MYADM: variants seen among roughly 807,000 people sequenced by gnomAD.
The protein encoded by MYADM is myeloid associated differentiation marker, also known as myeloid-associated differentiation marker.
For synonymous variants in MYADM, 224 were observed against 210.2 expected (o/e 1.07, Z -0.57); for missense variants, 416 against 443.4 (o/e 0.94, Z 0.56).
At chr19:53,869,103 C>G (rs2068304120) in intron 1 of MYADM, 1 of 152,264 alleles carries the variant, frequency 6.6e-6, no homozygotes, top group East Asian at 1.9e-4. Context: ...CCGCAAGCCC[C>G]GAATGGCGAT....
At position 53,874,388 on chromosome 19, in the gene MYADM, G is replaced by A. The variant is rs1224679404; in HGVS notation, c.859G>A (p.Val287Met). The A allele has an allele frequency of 2.5e-6, 4 of 1,614,088 alleles. No homozygotes were observed. Among genetic ancestry groups the A allele is most frequent in the Non-Finnish European group, 3.4e-6 (4 of 1,180,034 alleles). Residue 287 changes from valine (V) to methionine (M), a missense_variant, in exon 3 of 3, where the codon GTG becomes ATG. Transcript: ENST00000391770. ...CTGCAGCCGCAGCCATGCCTACTAC[G>A]TGTGTGCCTGGGACCGCCGACTGGC... ...VSCSRSHAYY[V>M]CAWDRRLAVA...
In MYADM at chr19:53,876,022, T is replaced by G. The variant is rs844114; in HGVS notation, c.*1524T>G. On this transcript the variant is annotated 3_prime_UTR_variant, in exon 3 of 3. Transcript: ENST00000391770. ...AAGGCAAGATCGACCTTTTCTGTTT[T>G]GTTTTGTTTTTCTTTCTTTTTCCTG... 1.2e-5 allele frequency: 2 copies of G among 165,982 alleles called. No individual in the cohort carries two copies. Among genetic ancestry groups the G allele is most frequent in the Non-Finnish European group, 2.9e-5 (2 of 68,118 alleles). The allele number at this position is 165,982 out of a possible 1,614,324, so 10.3% of individuals were successfully genotyped here.
Position 53,875,743 on chromosome 19 carries a change from G to C in MYADM, c.*1245G>C, listed in dbSNP as rs537813494. The C allele has an allele frequency of 6.5e-6, 1 of 154,160 alleles. No homozygotes were observed. The highest frequency in any genetic ancestry group is 2.4e-5 in the African/African-American group (1 of 41,384). 9.5% of individuals were successfully genotyped at this position (154,160 alleles called of 1,614,324 possible). A position where few individuals can be genotyped will look rare whatever the true frequency, so the allele number is the denominator to read the frequency against. On this transcript the variant is annotated 3_prime_UTR_variant, in exon 3 of 3. Coordinates refer to ENST00000391770, the MANE Select transcript of MYADM (RefSeq NM_138373.5). ...GGGCGCCTGTAATCCCAGGTATTTG[G>C]GGGGACTGAGACAGGAGAATCCCTT...
In MYADM at chr19:53,873,008, G is replaced by C. The variant is rs1010767219; in HGVS notation, c.-2-520G>C. Among the ~76,000 whole-genome samples the C allele has an allele frequency of 6.6e-6, 1 of 152,188 alleles. No individual in the cohort carries two copies. The highest frequency in any genetic ancestry group is 1.5e-5 in the Non-Finnish European group (1 of 68,038). Reference sequence around the variant, plus strand: ...GGCCTAGACTCCTGGATTCTGATACGAGTAGGGGAGGAGTGAGCCTTGAAC... The same window carrying C: ...GGCCTAGACTCCTGGATTCTGATACCAGTAGGGGAGGAGTGAGCCTTGAAC... On this transcript the variant is annotated intron_variant, in intron 2 of 2. Transcript: ENST00000391770. The surrounding 1 kb of genome is among the most constrained non-coding windows in gnomAD (Gnocchi z 4.3).
At position 53,876,312 on chromosome 19, in the gene MYADM, T is replaced by A. The variant is rs537852293; in HGVS notation, c.*1814T>A. 26 of 164,990 alleles carry A rather than the reference T, an allele frequency of 1.6e-4. No individual in the cohort carries two copies. The highest frequency in any genetic ancestry group is 1.6e-4 in the Non-Finnish European group (11 of 67,784). The allele number at this position is 164,990 out of a possible 1,614,324, so 10.2% of individuals were successfully genotyped here. ...TATAAATATATATTTTATTTTTTTTTAAATCCCTGGAGCTTCTGGTTCCTA... is the reference window on the plus strand; with the variant it reads ...TATAAATATATATTTTATTTTTTTTAAAATCCCTGGAGCTTCTGGTTCCTA... On this transcript the variant is annotated 3_prime_UTR_variant, in exon 3 of 3. Transcript: ENST00000391770.
upstream of MYADM, chr19:53,865,905 C>T (rs113154423): frequency 6.6e-6 from 1 of 152,130 alleles, no homozygotes; most frequent in African/African-American, 2.4e-5. Context: ...CCAACTAACA[C>T]CATGTCCCGA....
At position 53,876,052 on chromosome 19, in the gene MYADM, T is replaced by C. The variant is rs1476440023; in HGVS notation, c.*1554T>C. 6.0e-6 allele frequency: 1 copy of C among 166,982 alleles called. No homozygotes were observed. The highest frequency in any genetic ancestry group is 1.5e-5 in the Non-Finnish European group (1 of 68,104). 10.3% of individuals were successfully genotyped at this position (166,982 alleles called of 1,614,324 possible). A position where few individuals can be genotyped will look rare whatever the true frequency, so the allele number is the denominator to read the frequency against. On this transcript the variant is annotated 3_prime_UTR_variant, in exon 3 of 3. Coordinates refer to ENST00000391770, the MANE Select transcript of MYADM (RefSeq NM_138373.5). Reference sequence around the variant, plus strand: ...TGTTTTTCTTTCTTTTTCCTGGCCATGAGGACAAAAATTACTGAGTGGCCC... The same window carrying C: ...TGTTTTTCTTTCTTTTTCCTGGCCACGAGGACAAAAATTACTGAGTGGCCC...
chr19:53,874,685 T>C lies in MYADM; in HGVS notation c.*187T>C. 1 of 527,088 alleles carries C rather than the reference T, an allele frequency of 1.9e-6. No individual in the cohort carries two copies. Among genetic ancestry groups the C allele is most frequent in the Non-Finnish European group, 3.2e-6 (1 of 308,540 alleles). 32.7% of individuals were successfully genotyped at this position (527,088 alleles called of 1,614,324 possible). ...CCAGTTCTTGGATGCATCTTCTTCC[T>C]TCCCTTTCCTCTTGCTGTTTCCTTC... On this transcript the variant is annotated 3_prime_UTR_variant, in exon 3 of 3. Transcript: ENST00000391770.
rs1025500608 is a variant in MYADM, at chr19:53,876,320, T to C, written c.*1822T>C. The C allele has an allele frequency of 6.6e-5, 11 of 166,228 alleles. No individual in the cohort carries two copies. The highest frequency in any genetic ancestry group is 2.6e-4 in the Admixed American group (4 of 15,206). The allele number at this position is 166,228 out of a possible 1,614,324, so 10.3% of individuals were successfully genotyped here. A position where few individuals can be genotyped will look rare whatever the true frequency, so the allele number is the denominator to read the frequency against. ...TATATTTTATTTTTTTTTAAATCCC[T>C]GGAGCTTCTGGTTCCTATCAGTTCC... On this transcript the variant is annotated 3_prime_UTR_variant, in exon 3 of 3. Coordinates refer to ENST00000391770, the MANE Select transcript of MYADM (RefSeq NM_138373.5).
chr19:53,867,510 C>T (rs1215860640), upstream of MYADM, among the ~76,000 whole-genome samples: 3 of 152,174 alleles, frequency 2.0e-5, no homozygotes, highest in African/African-American at 7.2e-5. Flanking sequence ...CTGCACTAAA[C>T]AAACCCTAAA....
At chr19:53,867,719 T>TGG (rs894890146), upstream of MYADM, among the ~76,000 whole-genome samples, 1 of 152,034 alleles carries the variant, frequency 6.6e-6, no homozygotes, top group African/African-American at 2.4e-5. Flanking sequence ...ACTTTTACTC[T>TGG]GGGGGGCGTG....
Position 53,873,915 on chromosome 19 carries a change from C to T in MYADM, c.386C>T (p.Ser129Phe). 1 of 1,612,584 alleles carries T rather than the reference C, an allele frequency of 6.2e-7. No homozygotes were observed. Among genetic ancestry groups the T allele is most frequent in the Non-Finnish European group, 8.5e-7 (1 of 1,180,034 alleles). Residue 129 changes from serine to phenylalanine, a missense_variant, in exon 3 of 3, where the codon TCC (serine) becomes TTC (phenylalanine). By Grantham distance (155) the Ser-to-Phe change is radical (BLOSUM62 -2). Transcript: ENST00000391770. This position sits in a 1 kb window ranked among gnomAD's most constrained non-coding sequence, Gnocchi z 4.3. ...IYPTTYVQFL[S>F]HGRSRDHAIA... Reference sequence around the variant, plus strand: ...CCCACCACCTATGTCCAGTTCCTGTCCCACGGCCGTTCGCGGGACCACGCC... The same window carrying T: ...CCCACCACCTATGTCCAGTTCCTGTTCCACGGCCGTTCGCGGGACCACGCC...
chr19:53,870,626 C>G (rs556236469), intron 2 of MYADM, among the ~76,000 whole-genome samples: 5 of 152,136 alleles, frequency 3.3e-5, no homozygotes, highest in African/African-American at 9.7e-5. Flanking sequence ...GCGACTGCCA[C>G]GAAGAGGTTA....
Position 53,875,836 on chromosome 19 carries a change from C to T in MYADM, c.*1338C>T, listed in dbSNP as rs1192909544. ...CTGTGCTCCAGCCTGGGGGACAGAGCGAGACTCCATCTCAAAAAAAAAAAG... is the reference window on the plus strand; with the variant it reads ...CTGTGCTCCAGCCTGGGGGACAGAGTGAGACTCCATCTCAAAAAAAAAAAG... On this transcript the variant is annotated 3_prime_UTR_variant, in exon 3 of 3. Coordinates refer to ENST00000391770, the MANE Select transcript of MYADM (RefSeq NM_138373.5). 4 of 163,482 alleles carry T rather than the reference C, an allele frequency of 2.4e-5. No homozygotes were observed. The highest frequency in any genetic ancestry group is 2.1e-4 in the South Asian group (1 of 4,800). The allele number at this position is 163,482 out of a possible 1,614,324, so 10.1% of individuals were successfully genotyped here. A position where few individuals can be genotyped will look rare whatever the true frequency, so the allele number is the denominator to read the frequency against.
At position 53,873,464 on chromosome 19, in the gene MYADM, G is replaced by A. The variant is rs1012405407; in HGVS notation, c.-2-64G>A. ...TAATTTGTCCCTGGGGTAGGCAATG[G>A]CTAAGGGACCTGGATTCTTATGTTT... On this transcript the variant is annotated intron_variant, in intron 2 of 2. Transcript: ENST00000391770. This position sits in a 1 kb window ranked among gnomAD's most constrained non-coding sequence, Gnocchi z 4.3. 9 of 1,513,548 alleles carry A rather than the reference G, an allele frequency of 5.9e-6. No homozygotes were observed. In the East Asian group the frequency reaches 9.1e-5, roughly 15 times the overall value. The allele number at this position is 1,513,548 out of a possible 1,614,324, so 93.8% of individuals were successfully genotyped here.
rs1453345066 is a variant in MYADM at position 53,871,233 on chromosome 19, AAAC to A, written c.-3+1402_-3+1404del. ...GTGACAGAGCGACTCCATGTAAAAAAAACAACAACCAAAAAACAGGATTGTGAG... is the reference window on the plus strand; with the variant it reads ...GTGACAGAGCGACTCCATGTAAAAAAAACAACCAAAAAACAGGATTGTGAG... On this transcript the variant is annotated intron_variant, in intron 2 of 2. Coordinates refer to ENST00000391770, the MANE Select transcript of MYADM (RefSeq NM_138373.5). Among the ~76,000 whole-genome samples the A allele has an allele frequency of 3.3e-5, 5 of 152,146 alleles. No homozygotes were observed. In the East Asian group the frequency reaches 9.6e-4, roughly 29 times the overall value.
At chr19:53,870,499 T>A (rs1476551845) in intron 2 of MYADM, among the ~76,000 whole-genome samples, 2 of 151,822 alleles carry the variant, frequency 1.3e-5, no homozygotes, top group East Asian at 3.9e-4. Context: ...GGCTCCTAGA[T>A]CCTGGGAGAA....
Position 53,874,493 on chromosome 19 carries a change from G to T in MYADM, c.964G>T (p.Val322Phe). 2 of 1,594,470 alleles carry T rather than the reference G, an allele frequency of 1.3e-6. No individual in the cohort carries two copies. Among genetic ancestry groups the T allele is most frequent in the Non-Finnish European group, 1.7e-6 (2 of 1,170,304 alleles). The stretch of plus-strand genomic sequence containing the variant: ...CTCTGCCCACCTGGTTTTTGTCAAG[G>T]TCTAAGACTCTCCCAAGAGGCTCCC... ...VHSAHLVFVK[V>F] Residue 322 changes from valine to phenylalanine, a missense_variant, in exon 3 of 3, where the codon GTC becomes TTC. Transcript: ENST00000391770.
Position 53,873,700 on chromosome 19 carries a change from G to A in MYADM, c.171G>A (p.Val57=). 1 of 1,613,996 alleles carries A rather than the reference G, an allele frequency of 6.2e-7. No individual in the cohort carries two copies. Among genetic ancestry groups the A allele is most frequent in the South Asian group, 1.1e-5 (1 of 91,086 alleles). ...TGGCCTTCTCGCTGGTGGCTAGCGTGGGCGCCTGGACGGGGTCCATGGGCA... is the reference window on the plus strand; with the variant it reads ...TGGCCTTCTCGCTGGTGGCTAGCGTAGGCGCCTGGACGGGGTCCATGGGCA... The part of the protein sequence containing the change: ...TCVAFSLVAS[V]GAWTGSMGNW... Residue 57 remains valine, a synonymous_variant, in exon 3 of 3, where the codon GTG becomes GTA. Coordinates refer to ENST00000391770, the MANE Select transcript of MYADM (RefSeq NM_138373.5). This position sits in a 1 kb window ranked among gnomAD's most constrained non-coding sequence, Gnocchi z 4.3.
Sources: allele counts gnomAD v4.1 joint callset (sites outside exome capture counted in the v4.1 genomes callset), GRCh38; gene constraint gnomAD v4.1.1; non-coding constraint Gnocchi (gnomAD v3.1); transcripts MANE v1.5; gene names NCBI Gene and HGNC (gene_info 2026-07-23, HGNC 2026-07-21).